The following MEP1B variants were observed in gnomAD, a reference collection of about 807,000 sequenced individuals.
MEP1B encodes the protein N-benzoyl-L-tyrosyl-P-amino-benzoic acid hydrolase subunit beta.
A neutral mutation model predicts 84.6 loss-of-function variants in MEP1B; 80 were observed. That is an observed-to-expected ratio of 0.95 (90% CI 0.79 to 1.14). The LOEUF (loss-of-function observed/expected upper bound fraction) is 1.14. MEP1B is among the 50% of genes most tolerant of loss of function. The probability of loss-of-function intolerance (pLI) is 0.00; values close to 1 mark genes in which losing one functional copy is unlikely to be tolerated. For synonymous variants in MEP1B, 273 were observed against 288.1 expected (o/e 0.95, Z 0.53); for missense variants, 766 against 855.1 (o/e 0.90, Z 1.30).
At position 32,196,116 on chromosome 18, in the gene MEP1B, C is replaced by T. The variant is rs891990906; in HGVS notation, c.250+631C>T. ...CCCCCGCTGGCTCGGGCTCGGTGGC[C>T]TTGGGCTCCTTGGCCTCATCCCTGT... On this transcript the variant is annotated intron_variant, in intron 5 of 14. Transcript: ENST00000269202. The surrounding 1 kb of genome is among the most constrained non-coding windows in gnomAD (Gnocchi z 4.4). 66 of 514,204 alleles carry T rather than the reference C, an allele frequency of 1.3e-4. No homozygotes were observed. Among genetic ancestry groups the T allele is most frequent in the Non-Finnish European group, 2.3e-4 (63 of 279,500 alleles). The allele number at this position is 514,204 out of a possible 1,614,324, so 31.9% of individuals were successfully genotyped here.
chr18:32,217,861 G>A lies in MEP1B; in HGVS notation c.1987G>A (p.Val663Met), dbSNP rs1474361048. Residue 663 changes from valine to methionine, a missense_variant, in exon 14 of 15, where the codon GTG (valine) becomes ATG (methionine). Transcript: ENST00000269202. The stretch of plus-strand genomic sequence containing the variant: ...CATTGCTGTTTCATCTACTGTTGCT[G>A]TGTTTGCCTTGATGCTGATCATCAC... ...IVIAVSSTVA[V>M]FALMLIITLV... The A allele has an allele frequency of 2.5e-6, 4 of 1,613,780 alleles. No homozygotes were observed. The highest frequency in any genetic ancestry group is 3.4e-6 in the Non-Finnish European group (4 of 1,179,866).
At chr18:32,199,514 G>A (rs1398981414) in intron 5 of MEP1B, among the ~76,000 whole-genome samples, 1 of 151,960 alleles carries the variant, frequency 6.6e-6, no homozygotes, top group Admixed American at 6.6e-5. Flanking sequence ...AAGCCATAAA[G>A]AGCACAGGGG....
chr18:32,210,517 G>A lies in MEP1B; in HGVS notation c.936G>A (p.Met312Ile). Reference protein sequence around the residue: ...MGQCQGSGFFMHFDSSSVNVG... With the variant: ...MGQCQGSGFFIHFDSSSVNVG... ...CTTTAACAGGTTCTGGTTTCTTCAT[G>A]CATTTCGATAGCAGCTCTGTAAATG... Residue 312 changes from methionine to isoleucine, a missense_variant, in exon 10 of 15, where the codon ATG (methionine) becomes ATA (isoleucine). Transcript: ENST00000269202. 6.2e-7 allele frequency: 1 copy of A among 1,613,758 alleles called. No homozygotes were observed. The highest frequency in any genetic ancestry group is 8.5e-7 in the Non-Finnish European group (1 of 1,179,752).
At chr18:32,209,861 ACT>A (rs2041006556) in intron 9 of MEP1B, among the ~76,000 whole-genome samples, 1 of 151,286 alleles carries the variant, frequency 6.6e-6, no homozygotes, top group South Asian at 2.1e-4. Flanking sequence ...TCCTGGCTGG[ACT>A]CTCACCTCTG....
At chr18:32,218,648 G>A (rs576297302) in intron 14 of MEP1B, among the ~76,000 whole-genome samples, 3 of 152,304 alleles carry the variant, frequency 2.0e-5, no homozygotes, top group East Asian at 3.9e-4. Context: ...GGCAGAGGGT[G>A]AGGTTGGAAT....
At chr18:32,193,923 T>C (rs1207948947) in intron 4 of MEP1B, among the ~76,000 whole-genome samples, 1 of 152,132 alleles carries the variant, frequency 6.6e-6, no homozygotes, top group African/African-American at 2.4e-5. Flanking sequence ...TTCCCTGAGC[T>C]CCAGACTGGT....
chr18:32,216,827 G>A (rs868495842), intron 12 of MEP1B, among the ~76,000 whole-genome samples, 164 bp from the exon 13 acceptor site: 4 of 151,016 alleles, frequency 2.6e-5, no homozygotes, highest in Non-Finnish European at 4.4e-5. Flanking sequence ...CTGAGCCTGG[G>A]AGCAAAGACC....
Position 32,195,471 on chromosome 18 carries a change from T to G in MEP1B, c.236T>G (p.Leu79Arg), listed in dbSNP as rs778499512. Reference sequence around the variant, plus strand: ...TGGCCTCATACCATTCCATATGTTCTAGAAGATAGCTTGGGTTAGTATGCA... The same window carrying G: ...TGGCCTCATACCATTCCATATGTTCGAGAAGATAGCTTGGGTTAGTATGCA... ...YRWPHTIPYV[L>R]EDSLEMNAKG... Residue 79 changes from leucine (L) to arginine (R), a missense_variant, in exon 5 of 15, where the codon CTA (leucine) becomes CGA (arginine). Physicochemically the swap from Leu to Arg is moderately radical, Grantham distance 102. Coordinates refer to ENST00000269202, the MANE Select transcript of MEP1B (RefSeq NM_005925.3). 28 of 1,607,440 alleles carry G rather than the reference T, an allele frequency of 1.7e-5. No homozygotes were observed. The highest frequency in any genetic ancestry group is 2.4e-5 in the Non-Finnish European group (28 of 1,174,604).
Position 32,208,281 on chromosome 18 carries a change from G to A in MEP1B, c.919+10G>A, listed in dbSNP as rs760954947. ...ATGGGCCAGTGCCAAGGTAACAGGA[G>A]TGAGATATTCCTAGACTGTATACTC... On this transcript the variant is annotated intron_variant, in intron 9 of 14. Coordinates refer to ENST00000269202, the MANE Select transcript of MEP1B (RefSeq NM_005925.3). 25 of 1,612,424 alleles carry A rather than the reference G, an allele frequency of 1.6e-5. No homozygotes were observed. The highest frequency in any genetic ancestry group is 2.0e-5 in the Non-Finnish European group (23 of 1,178,998).
rs575095762 is a variant in MEP1B at position 32,204,187 on chromosome 18, G to A, written c.374G>A (p.Trp125Ter). 2.5e-6 allele frequency: 4 copies of A among 1,605,108 alleles called. No homozygotes were observed. In the African/African-American group the frequency reaches 5.4e-5, roughly 21 times the overall value. Residue 125 changes from tryptophan to a stop codon, truncating the protein, a stop_gained, in exon 7 of 15, where the codon TGG (tryptophan) becomes TAG (stop). Coordinates refer to ENST00000269202, the MANE Select transcript of MEP1B (RefSeq NM_005925.3). LOFTEE classifies it high-confidence loss of function. The part of the protein sequence containing the change: ...YISVFKGSGC[W>*]SSVGNRRVGK... The stretch of plus-strand genomic sequence containing the variant: ...CTTGTAAACTCTCCTGTAAGCTGCT[G>A]GTCTTCAGTAGGAAATAGGCGGGTT...
intron 14 of MEP1B, among the ~76,000 whole-genome samples, chr18:32,219,563 G>A (rs907925470): frequency 6.6e-6 from 1 of 152,108 alleles, no homozygotes; most frequent in Admixed American, 6.5e-5. Context: ...AGAGTAGAAG[G>A]GCAGGAGGGG....
At chr18:32,215,453 G>A (rs2041073890) in intron 12 of MEP1B, among the ~76,000 whole-genome samples, 192 bp downstream of exon 12, 1 of 152,084 alleles carries the variant, frequency 6.6e-6, no homozygotes, top group Non-Finnish European at 1.5e-5. Flanking sequence ...AAACAGTGAG[G>A]ATTCCAGAAT....
intron 5 of MEP1B, among the ~76,000 whole-genome samples, chr18:32,201,934 T>C (rs935003040): frequency 1.3e-5 from 2 of 152,172 alleles, no homozygotes; most frequent in Admixed American, 6.6e-5. Context: ...AAATGAACAT[T>C]TGACAAATGC....
Position 32,195,414 on chromosome 18 carries a change from T to A in MEP1B, c.179T>A (p.Ile60Asn). 6.2e-7 allele frequency: 1 copy of A among 1,608,806 alleles called. No individual in the cohort carries two copies. The highest frequency in any genetic ancestry group is 8.5e-7 in the Non-Finnish European group (1 of 1,175,680). ...EGDIRLDRAQ[I>N]RNSIIGEKYR... is the part of the protein sequence containing the mutation. Reference sequence around the variant, plus strand: ...TGCATTTATTTTTGACAGGCACAAATTAGAAATTCCATCATTGGAGAAAAG... The same window carrying A: ...TGCATTTATTTTTGACAGGCACAAAATAGAAATTCCATCATTGGAGAAAAG... Residue 60 changes from isoleucine to asparagine, a missense_variant, in exon 5 of 15, where the codon ATT (isoleucine) becomes AAT (asparagine). By Grantham distance (149) the Ile-to-Asn change is moderately radical. Coordinates refer to ENST00000269202, the MANE Select transcript of MEP1B (RefSeq NM_005925.3).
In MEP1B at chr18:32,210,523, C is replaced by T. The variant is rs372769516; in HGVS notation, c.942C>T (p.Phe314=). The T allele has an allele frequency of 2.9e-5, 47 of 1,613,708 alleles. No individual in the cohort carries two copies. Among genetic ancestry groups the T allele is most frequent in the South Asian group, 5.5e-5 (5 of 91,074 alleles). ...CAGGTTCTGGTTTCTTCATGCATTTCGATAGCAGCTCTGTAAATGTGGGGG... is the reference window on the plus strand; with the variant it reads ...CAGGTTCTGGTTTCTTCATGCATTTTGATAGCAGCTCTGTAAATGTGGGGG... The part of the protein sequence containing the change: ...QCQGSGFFMH[F]DSSSVNVGAT... Residue 314 remains phenylalanine, a synonymous_variant, in exon 10 of 15, where the codon TTC becomes TTT. Transcript: ENST00000269202.
intron 5 of MEP1B, among the ~76,000 whole-genome samples, chr18:32,201,476 T>C (rs1210486536): frequency 1.3e-5 from 2 of 152,178 alleles, no homozygotes; most frequent in African/African-American, 4.8e-5. Flanking sequence ...TGTGATCCAA[T>C]GTCCAATGGA....
intron 5 of MEP1B, among the ~76,000 whole-genome samples, chr18:32,202,357 T>C (rs561496167): frequency 1.3e-4 from 20 of 152,304 alleles, no homozygotes; most frequent in African/African-American, 3.1e-4. Context: ...CATTGGCTCT[T>C]ACCCTTATTT....
chr18:32,213,551 T>G lies in MEP1B; in HGVS notation c.1571T>G (p.Met524Arg), dbSNP rs1331009594. 2 of 1,608,792 alleles carry G rather than the reference T, an allele frequency of 1.2e-6. No individual in the cohort carries two copies. Among genetic ancestry groups the G allele is most frequent in the Admixed American group, 3.3e-5 (2 of 59,974 alleles). Residue 524 changes from methionine (M) to arginine (R), a missense_variant, in exon 11 of 15, where the codon ATG (methionine) becomes AGG (arginine). By Grantham distance (91) the Met-to-Arg change is moderately conservative. Transcript: ENST00000269202. ...NQRSITTDPF[M>R]TTDNGNYFWD... is the part of the protein sequence containing the mutation. Reference sequence around the variant, plus strand: ...CGGAGTATAACTACAGACCCATTTATGACCACCGGTTCGTAACTCATTTTC... The same window carrying G: ...CGGAGTATAACTACAGACCCATTTAGGACCACCGGTTCGTAACTCATTTTC...
chr18:32,192,128 T>G (rs920106880), intron 2 of MEP1B, among the ~76,000 whole-genome samples: 1 of 152,076 alleles, frequency 6.6e-6, no homozygotes, highest in Non-Finnish European at 1.5e-5. Context: ...TCAAATCAGA[T>G]GGACCTAATA....
Sources: gnomAD v4.1 joint callset for allele counts (sites outside exome capture counted in the v4.1 genomes callset) on GRCh38, gnomAD v4.1.1 for gene constraint, Gnocchi (gnomAD v3.1) non-coding constraint, MANE v1.5 for transcripts, NCBI Gene and HGNC (gene_info 2026-07-23, HGNC 2026-07-21) for gene names.